The following ERICH6 variants were observed in gnomAD, a reference collection of about 807,000 sequenced individuals.
ERICH6 encodes glutamate-rich protein 6.
A neutral mutation model predicts 71.0 loss-of-function variants in ERICH6; 71 were observed. That is an observed-to-expected ratio of 1.00 (90% confidence interval 0.83 to 1.22). ERICH6 has a LOEUF of 1.22. Among genes scored for constraint, ERICH6 ranks in the 50% most tolerant of loss-of-function variants. The pLI, the probability that ERICH6 is intolerant of heterozygous loss-of-function variation, is 0.00. For missense variants in ERICH6, 808 were observed against 797.2 expected (o/e 1.01, Z -0.16); for synonymous variants, 262 against 278.4 (o/e 0.94, Z 0.59).
intron 3 of ERICH6, among the ~76,000 whole-genome samples, chr3:150,689,696 C>T (rs1712346303): frequency 6.6e-6 from 1 of 152,094 alleles, no homozygotes; most frequent in Admixed American, 6.6e-5. Context: ...TCTCAGTTGA[C>T]TGAATTCTGT....
chr3:150,695,532 G>A (rs1040276741), intron 3 of ERICH6, among the ~76,000 whole-genome samples: 2 of 151,900 alleles, frequency 1.3e-5, no homozygotes, highest in African/African-American at 4.8e-5. Flanking sequence ...GCTGGGCATG[G>A]TGGCTCATGC....
chr3:150,676,714 G>A (rs1711669087), intron 10 of ERICH6, among the ~76,000 whole-genome samples: 1 of 151,842 alleles, frequency 6.6e-6, no homozygotes, highest in Non-Finnish European at 1.5e-5. Context: ...ATAGCTCACT[G>A]CTATCTCAAA....
chr3:150,660,451 C>T (rs1727176603), intron 13 of ERICH6, among the ~76,000 whole-genome samples: 2 of 152,162 alleles, frequency 1.3e-5, no homozygotes. Context: ...GACACAGTCC[C>T]TTGCCTGGAA....
At chr3:150,702,718 C>T (rs1712939957) in intron 1 of ERICH6, among the ~76,000 whole-genome samples, 1 of 151,918 alleles carries the variant, frequency 6.6e-6, no homozygotes, top group South Asian at 2.1e-4. Context: ...AAAATGTCAA[C>T]ACTAGAGCTT....
chr3:150,674,920 G>A (rs1188980945), intron 10 of ERICH6, among the ~76,000 whole-genome samples: 2 of 152,012 alleles, frequency 1.3e-5, no homozygotes, highest in East Asian at 1.9e-4. Context: ...ATCACCTGAG[G>A]TCAGAAGTTC....
chr3:150,670,837 C>T (rs1251051112), intron 11 of ERICH6, among the ~76,000 whole-genome samples: 2 of 152,166 alleles, frequency 1.3e-5, no homozygotes, highest in African/African-American at 4.8e-5. Flanking sequence ...CATATCCAGG[C>T]TGGTTAGAAG....
At chr3:150,682,959 G>A (rs1159703701) in intron 6 of ERICH6, among the ~76,000 whole-genome samples, 3 of 152,118 alleles carry the variant, frequency 2.0e-5, no homozygotes, top group Non-Finnish European at 4.4e-5. Context: ...AATGTGGAGT[G>A]GCCATGTCAA....
At chr3:150,684,016 G>A (rs1335225127) in intron 6 of ERICH6, among the ~76,000 whole-genome samples, 37 of 152,198 alleles carry the variant, frequency 2.4e-4, no homozygotes, top group Admixed American at 2.3e-3. Context: ...GGTGTTGCGG[G>A]AGGCGAGTAT....
Position 150,660,063 on chromosome 3 carries a change from A to C in ERICH6, c.1821T>G (p.Phe607Leu). 1 of 1,614,146 alleles carries C rather than the reference A, an allele frequency of 6.2e-7. No individual in the cohort carries two copies. Among genetic ancestry groups the C allele is most frequent in the Non-Finnish European group, 8.5e-7 (1 of 1,180,026 alleles). ...AATTCACACATCCTTCAAGTTTATG[A>C]AACAGGCGACGGATCTTTATTAAAC... ...LASLIKIRRL[F>L]HKLEGCVNFP... Residue 607 changes from phenylalanine (F) to leucine (L), a missense_variant, in exon 14 of 14, where the codon TTT becomes TTG. This residue lies in a region of ERICH6 where 736 missense variants were observed against 712.2 expected (regional missense o/e 1.03). Transcript: ENST00000295910.
At chr3:150,702,719 A>C (rs1389768236) in intron 1 of ERICH6, among the ~76,000 whole-genome samples, 1 of 151,998 alleles carries the variant, frequency 6.6e-6, no homozygotes, top group African/African-American at 2.4e-5. Context: ...AAATGTCAAC[A>C]CTAGAGCTTG....
At position 150,669,291 on chromosome 3, in the gene ERICH6, C is replaced by A. The variant is rs748113394; in HGVS notation, c.1499+5G>T. ...AATGGCAGCAGCAGGAACCTAGAAG[C>A]TTACCAGACATTTCCATTGGGATGA... On this transcript the variant is annotated splice_donor_5th_base_variant and intron_variant, in intron 12 of 13. Coordinates refer to ENST00000295910, the MANE Select transcript of ERICH6 (RefSeq NM_152394.5). 22 of 1,590,428 alleles carry A rather than the reference C, an allele frequency of 1.4e-5. No homozygotes were observed. Among genetic ancestry groups the A allele is most frequent in the Non-Finnish European group, 1.9e-5 (22 of 1,171,356 alleles).
At chr3:150,693,852 C>G (rs1712545682) in intron 3 of ERICH6, among the ~76,000 whole-genome samples, 1 of 152,144 alleles carries the variant, frequency 6.6e-6, no homozygotes, top group East Asian at 1.9e-4. Flanking sequence ...TACAAATCTT[C>G]AAAATAATGT....
chr3:150,703,430 G>A, intron 1 of ERICH6, 66 bp downstream of exon 1: 4 of 1,485,758 alleles, frequency 2.7e-6, no homozygotes, highest in Non-Finnish European at 3.6e-6. Context: ...CCACCCAGGA[G>A]TGGGTGGACC....
chr3:150,684,811 G>A (rs1712111954), intron 6 of ERICH6, among the ~76,000 whole-genome samples: 1 of 151,020 alleles, frequency 6.6e-6, no homozygotes, highest in Non-Finnish European at 1.5e-5. Context: ...TTAATAATAA[G>A]CCTGGGAAAC....
intron 11 of ERICH6, 147 bp downstream of exon 11, chr3:150,673,809 G>T: frequency 1.6e-6 from 1 of 639,408 alleles, no homozygotes. Context: ...TCAACCTTCT[G>T]AGCTCAAGTG....
At chr3:150,701,973 T>C in intron 2 of ERICH6, 148 bp downstream of exon 2, 1 of 534,034 alleles carries the variant, frequency 1.9e-6, no homozygotes, top group Non-Finnish European at 3.4e-6. Flanking sequence ...TCTTTCAAAG[T>C]GTCTACCAGT....
chr3:150,690,313 G>A (rs895110526), intron 3 of ERICH6, among the ~76,000 whole-genome samples: 29 of 151,430 alleles, frequency 1.9e-4, no homozygotes, highest in African/African-American at 7.0e-4. Context: ...CACCTGAGTT[G>A]TTTCCTTTAA....
intron 11 of ERICH6, 30 bp downstream of exon 11, chr3:150,673,926 T>G: frequency 6.3e-7 from 1 of 1,596,536 alleles, no homozygotes. Flanking sequence ...GTAATAAAGC[T>G]AATAAAAATA....
chr3:150,674,528 C>T (rs1356399307), intron 10 of ERICH6, among the ~76,000 whole-genome samples: 2 of 152,110 alleles, frequency 1.3e-5, no homozygotes, highest in East Asian at 1.9e-4. Flanking sequence ...ATCCTCCTTT[C>T]CTCAGCCTCT....
Sources: allele counts gnomAD v4.1 joint callset (sites outside exome capture counted in the v4.1 genomes callset), GRCh38; gene constraint gnomAD v4.1.1; regional missense constraint gnomAD v4.1.1; transcripts MANE v1.5; gene names NCBI Gene and HGNC (gene_info 2026-07-23, HGNC 2026-07-21).